Variants in PELP1 observed in about 807,000 individuals in gnomAD.
PELP1 encodes the protein proline-, glutamic acid- and leucine-rich protein 1.
In PELP1, 32 loss-of-function variants were observed where a neutral mutation model predicts 95.5. That is an observed-to-expected ratio of 0.34 (90% CI 0.25 to 0.45). PELP1 has a LOEUF of 0.45. Among genes scored for constraint, PELP1 ranks in the 20% least tolerant of loss-of-function variants. The pLI, the probability that PELP1 is intolerant of heterozygous loss-of-function variation, is 1.00. For missense variants in PELP1, 1,358 were observed against 1,444.8 expected (o/e 0.94, Z 0.97); for synonymous variants, 668 against 600.1 (o/e 1.11, Z -1.65).
At chr17:4,676,325 T>C (rs1912474435) in intron 7 of PELP1, 32 bp downstream of exon 7, 2 of 1,606,992 alleles carry the variant, frequency 1.2e-6, no homozygotes, top group Admixed American at 1.7e-5. Context: ...TTCCTCACTA[T>C]TGTTCCACTA....
chr17:4,703,607 G>GA (rs1913637988), intron 1 of PELP1, among the ~76,000 whole-genome samples: 1 of 152,164 alleles, frequency 6.6e-6, no homozygotes, highest in African/African-American at 2.4e-5. Context: ...ACCGGGCCTG[G>GA]AACCTAATCG....
chr17:4,681,429 G>A (rs1869802516), intron 5 of PELP1, among the ~76,000 whole-genome samples: 1 of 151,952 alleles, frequency 6.6e-6, no homozygotes, highest in Non-Finnish European at 1.5e-5. Context: ...AGAATCACTT[G>A]GAACCTGGGA....
At chr17:4,698,470 T>TA (rs57709047) in intron 1 of PELP1, among the ~76,000 whole-genome samples, 92,035 of 140,350 alleles carry the variant, frequency 0.66, 30,745 homozygotes, top group South Asian at 0.82. Flanking sequence ...CCATCGCTAC[T>TA]AAAAAAAAAA....
chr17:4,704,078 C>T lies in PELP1; in HGVS notation c.34G>A (p.Gly12Ser), dbSNP rs761556891. ...AAAVLSGPSA[G>S]SAAGVPGGTG... ...CCGCCAGGAACCCCAGCCGCGGAGCCCGCAGAGGGCCCACTCAGAACGGCT... is the reference window on the plus strand; with the variant it reads ...CCGCCAGGAACCCCAGCCGCGGAGCTCGCAGAGGGCCCACTCAGAACGGCT... Residue 12 changes from glycine to serine, a missense_variant, in exon 1 of 17, where the codon GGC becomes AGC. By Grantham distance (56) the Gly-to-Ser change is moderately conservative (BLOSUM62 0). Transcript: ENST00000572293. The T allele has an allele frequency of 2.5e-6, 4 of 1,611,166 alleles. No individual in the cohort carries two copies. Among genetic ancestry groups the T allele is most frequent in the Non-Finnish European group, 3.4e-6 (4 of 1,179,390 alleles).
rs1302384374 is a variant in PELP1, at chr17:4,675,249, C to G, written c.1157+25G>C. 6.3e-7 allele frequency: 1 copy of G among 1,591,562 alleles called. No homozygotes were observed. The highest frequency in any genetic ancestry group is 1.8e-5 in the Admixed American group (1 of 55,782). On this transcript the variant is annotated intron_variant, in intron 10 of 16. Transcript: ENST00000572293. The surrounding 1 kb of genome is among the most constrained non-coding windows in gnomAD (Gnocchi z 4.3). ...GTTTCTGGCACGCCCTATCCCTTCACCACAGCCAGCCCAATCCCACTCACG... is the reference window on the plus strand; with the variant it reads ...GTTTCTGGCACGCCCTATCCCTTCAGCACAGCCAGCCCAATCCCACTCACG...
chr17:4,671,253 T>C lies in PELP1; in HGVS notation c.*186A>G, dbSNP rs1165873346. ...AGTCCATTACACCAATGTCAGTTGT[T>C]CCTCTCTGGATCGTCAAAAAGAGGA... On this transcript the variant is annotated 3_prime_UTR_variant, in exon 17 of 17. Transcript: ENST00000572293. 1.7e-6 allele frequency: 1 copy of C among 601,134 alleles called. No homozygotes were observed. Among genetic ancestry groups the C allele is most frequent in the Non-Finnish European group, 3.0e-6 (1 of 337,224 alleles). 37.2% of individuals were successfully genotyped at this position (601,134 alleles called of 1,614,324 possible).
At chr17:4,679,316 A>G (rs538809692) in intron 5 of PELP1, among the ~76,000 whole-genome samples, 1 of 152,312 alleles carries the variant, frequency 6.6e-6, no homozygotes, top group African/African-American at 2.4e-5. Context: ...AGGACACAGG[A>G]ACATTTGTTA....
At chr17:4,689,493 C>T (rs751916220) in intron 3 of PELP1, among the ~76,000 whole-genome samples, 1 of 152,160 alleles carries the variant, frequency 6.6e-6, no homozygotes, top group Non-Finnish European at 1.5e-5. Flanking sequence ...CAAATAATCA[C>T]ATCAAAAAGT....
intron 1 of PELP1, among the ~76,000 whole-genome samples, chr17:4,694,485 C>A: frequency 1.2e-4 from 1 of 8,672 alleles, no homozygotes; most frequent in Non-Finnish European, 2.5e-4. Flanking sequence ...AACGCCATCT[C>A]TACCAAAAAT....
chr17:4,675,598 C>T lies in PELP1; in HGVS notation c.1068+199G>A, dbSNP rs569566620. On this transcript the variant is annotated intron_variant, in intron 9 of 16. Coordinates refer to ENST00000572293, the MANE Select transcript of PELP1 (RefSeq NM_014389.3). The surrounding 1 kb of genome is among the most constrained non-coding windows in gnomAD (Gnocchi z 4.3). The stretch of plus-strand genomic sequence containing the variant: ...AGCTGATCCCCAAATTCACCCTCCC[C>T]CAAGGAAGCATTTGCTACACTCTGA... 63 of 710,282 alleles carry T rather than the reference C, an allele frequency of 8.9e-5. No homozygotes were observed. The African/African-American group carries it at 1.1e-3, about 12-fold the overall frequency. The allele number at this position is 710,282 out of a possible 1,614,324, so 44.0% of individuals were successfully genotyped here.
At chr17:4,683,439 C>T (rs1332876821) in intron 3 of PELP1, among the ~76,000 whole-genome samples, 1 of 150,368 alleles carries the variant, frequency 6.7e-6, no homozygotes, top group Non-Finnish European at 1.5e-5. Flanking sequence ...CCAGGATGGT[C>T]TCGATCTCCG....
chr17:4,672,868 T>C lies in PELP1; in HGVS notation c.2123A>G (p.His708Arg), dbSNP rs753088632. Residue 708 changes from histidine (H) to arginine (R), a missense_variant, in exon 16 of 17, where the codon CAC (histidine) becomes CGC (arginine). Around this residue, in one of 7 missense-constraint regions of PELP1, gnomAD observed 340 missense variants for 322.9 expected, o/e 1.05. Transcript: ENST00000572293. The part of the protein sequence containing the change: ...ARPGPPTTAN[H>R]LGLSVPGLVS... ...TAGGCCTGGGACAGAAAGGCCTAGG[T>C]GGTTGGCTGTGGTGGGAGGTCCAGG... is the stretch of plus-strand genomic sequence containing the variant. The C allele has an allele frequency of 3.7e-6, 6 of 1,613,300 alleles. No homozygotes were observed. In the Admixed American group the frequency reaches 5.0e-5, roughly 13 times the overall value.
chr17:4,671,438 G>T lies in PELP1; in HGVS notation c.*1C>A. 7.2e-7 allele frequency: 1 copy of T among 1,395,668 alleles called. No homozygotes were observed. The highest frequency in any genetic ancestry group is 1.0e-6 in the Non-Finnish European group (1 of 980,404). The allele number at this position is 1,395,668 out of a possible 1,614,324, so 86.5% of individuals were successfully genotyped here. ...AACAAAGAGTGGGGTGCAGAAGATGGCTAGGAGTCAGGCTCTGTGGGAGGT... is the reference window on the plus strand; with the variant it reads ...AACAAAGAGTGGGGTGCAGAAGATGTCTAGGAGTCAGGCTCTGTGGGAGGT... On this transcript the variant is annotated 3_prime_UTR_variant, in exon 17 of 17. Transcript: ENST00000572293.
At chr17:4,699,207 G>A (rs769632969) in intron 1 of PELP1, among the ~76,000 whole-genome samples, 5 of 152,016 alleles carry the variant, frequency 3.3e-5, no homozygotes, top group Non-Finnish European at 5.9e-5. Flanking sequence ...GTGAAACCCC[G>A]TCTCCACTAA....
chr17:4,683,288 T>C (rs1912764199), intron 3 of PELP1, among the ~76,000 whole-genome samples: 1 of 150,174 alleles, frequency 6.7e-6, no homozygotes. Context: ...TGGCGCGATC[T>C]CGGCTCACTG....
intron 1 of PELP1, among the ~76,000 whole-genome samples, chr17:4,702,231 C>T (rs1441142541): frequency 6.6e-6 from 1 of 152,080 alleles, no homozygotes; most frequent in Non-Finnish European, 1.5e-5. Flanking sequence ...CCAGCCTGGG[C>T]AACATGGCAA....
chr17:4,681,057 T>C (rs1192804981), intron 5 of PELP1, among the ~76,000 whole-genome samples: 1 of 152,092 alleles, frequency 6.6e-6, no homozygotes, highest in Non-Finnish European at 1.5e-5. Flanking sequence ...TCATGACAAC[T>C]GGGAGGAAGG....
At chr17:4,699,334 C>T (rs1221151796) in intron 1 of PELP1, among the ~76,000 whole-genome samples, 1 of 151,726 alleles carries the variant, frequency 6.6e-6, no homozygotes, top group Non-Finnish European at 1.5e-5. Context: ...GAGCCAAAAT[C>T]GCACCACTGC....
chr17:4,689,003 T>C (rs984029938), intron 3 of PELP1, among the ~76,000 whole-genome samples: 15 of 152,178 alleles, frequency 9.9e-5, no homozygotes, highest in South Asian at 2.1e-4. Flanking sequence ...AATAGGCACA[T>C]AGACCAATGG....
Sources: gnomAD v4.1 joint callset for allele counts (sites outside exome capture counted in the v4.1 genomes callset) on GRCh38, gnomAD v4.1.1 for gene constraint, gnomAD v4.1.1 regional missense constraint, Gnocchi (gnomAD v3.1) non-coding constraint, MANE v1.5 for transcripts, NCBI Gene and HGNC (gene_info 2026-07-23, HGNC 2026-07-21) for gene names.